Variants in CCSER1 observed in about 807,000 individuals in gnomAD.
CCSER1 encodes serine-rich coiled-coil domain-containing protein 1.
CCSER1 carries 41 observed loss-of-function variants against 82.0 expected under a neutral mutation model. The ratio of observed to expected loss-of-function variants is 0.50; its 90% CI spans 0.39 to 0.65. The LOEUF (loss-of-function observed/expected upper bound fraction) is 0.65, where lower values mean the gene tolerates loss of function less well. Ranked by LOEUF, CCSER1 falls within the 30% of genes least tolerant of loss-of-function variation. The pLI is 0.00. For synonymous variants in CCSER1, 414 were observed against 383.9 expected (o/e 1.08, Z -0.92); for missense variants, 1,119 against 1,064.2 (o/e 1.05, Z -0.72).
intron 10 of CCSER1, among the ~76,000 whole-genome samples, chr4:91,215,888 G>A (rs544157014): frequency 6.6e-6 from 1 of 152,242 alleles, no homozygotes; most frequent in East Asian, 1.9e-4. Flanking sequence ...TGTGTGCCTT[G>A]AGGATCTGCA....
chr4:91,171,574 T>C (rs1490900902), intron 10 of CCSER1, among the ~76,000 whole-genome samples: 1 of 152,158 alleles, frequency 6.6e-6, no homozygotes, highest in African/African-American at 2.4e-5. Context: ...TATCCTGCAA[T>C]TTCCATTTCC....
intron 7 of CCSER1, among the ~76,000 whole-genome samples, chr4:90,797,368 G>A (rs1382366306): frequency 3.3e-5 from 5 of 151,974 alleles, no homozygotes; most frequent in Admixed American, 6.6e-5. Flanking sequence ...TTGAACCTAC[G>A]TCATTGCATG....
intron 10 of CCSER1, among the ~76,000 whole-genome samples, chr4:91,117,808 G>A (rs6856265): frequency 0.52 from 78,954 of 151,922 alleles, 20,830 homozygotes; most frequent in East Asian, 0.68. Context: ...ATGTTTATAT[G>A]TTACTTATAT....
At chr4:90,313,235 A>G (rs1735619101) in intron 3 of CCSER1, among the ~76,000 whole-genome samples, 188 bp downstream of exon 3, 1 of 152,186 alleles carries the variant, frequency 6.6e-6, no homozygotes, top group Non-Finnish European at 1.5e-5. Flanking sequence ...GGAGTTCACC[A>G]TGACAGCTGT....
intron 6 of CCSER1, among the ~76,000 whole-genome samples, chr4:90,708,158 A>G (rs985900031): frequency 6.6e-6 from 1 of 152,144 alleles, no homozygotes; most frequent in African/African-American, 2.4e-5. Context: ...AGACACATTC[A>G]TCTCACAAGC....
Position 91,598,819 on chromosome 4 carries a change from G to A in CCSER1, c.2465G>A (p.Arg822Gln). The A allele has an allele frequency of 1.2e-5, 18 of 1,551,614 alleles. No homozygotes were observed. Among genetic ancestry groups the A allele is most frequent in the Non-Finnish European group, 1.6e-5 (18 of 1,146,920 alleles). ...TLTSDVTQNL[R>Q]ATVGQSSLKP... ...ACTTCAGACGTTACACAGAACTTAC[G>A]GGCCACCGTTGGGCAGAGCTCTCTG... The change falls in exon 11 of 11, where the codon CGG becomes CAG. Residue 822 changes from arginine to glutamine, a missense_variant. Physicochemically the swap from Arg to Gln is conservative, Grantham distance 43. Coordinates refer to ENST00000509176, the MANE Select transcript of CCSER1 (RefSeq NM_001145065.2).
chr4:90,488,368 A>T (rs2153602782), intron 5 of CCSER1, among the ~76,000 whole-genome samples: 1 of 151,974 alleles, frequency 6.6e-6, no homozygotes, highest in Non-Finnish European at 1.5e-5. Context: ...TTGTATTTTT[A>T]GTAGAGATGG....
intron 10 of CCSER1, among the ~76,000 whole-genome samples, chr4:91,360,589 A>T (rs1749181376): frequency 6.6e-6 from 1 of 151,742 alleles, no homozygotes; most frequent in African/African-American, 2.4e-5. Flanking sequence ...TGTGTTTTGG[A>T]TAGGATGCCT....
intron 10 of CCSER1, among the ~76,000 whole-genome samples, chr4:91,505,670 T>A (rs531502310): frequency 2.0e-5 from 3 of 152,342 alleles, no homozygotes; most frequent in Non-Finnish European, 2.9e-5. Context: ...CATTCTCGTT[T>A]TGATTTGCAG....
chr4:90,977,787 G>A (rs17017846), intron 9 of CCSER1, among the ~76,000 whole-genome samples: 2,970 of 151,488 alleles, frequency 0.02, 79 homozygotes, highest in African/African-American at 0.052. Flanking sequence ...CTGGGATATC[G>A]ACTCCATCAT....
chr4:90,800,324 T>C (rs893034904), intron 7 of CCSER1, among the ~76,000 whole-genome samples: 19 of 152,144 alleles, frequency 1.2e-4, no homozygotes, highest in Non-Finnish European at 2.2e-4. Flanking sequence ...GCTGGTCTCA[T>C]ACTCTTGGGC....
intron 10 of CCSER1, among the ~76,000 whole-genome samples, chr4:91,124,766 TCAA>T (rs1727364406): frequency 6.6e-6 from 1 of 151,852 alleles, no homozygotes; most frequent in Non-Finnish European, 1.5e-5. Context: ...AATGAATAAA[TCAA>T]CAAAGATTTT....
At chr4:90,172,981 G>A (rs897577474) in intron 1 of CCSER1, among the ~76,000 whole-genome samples, 1 of 151,730 alleles carries the variant, frequency 6.6e-6, no homozygotes, top group African/African-American at 2.4e-5. Flanking sequence ...TGGTGATTGG[G>A]ATAGTGCTAG....
chr4:90,911,524 C>T (rs1220856745), intron 8 of CCSER1, among the ~76,000 whole-genome samples: 1 of 152,134 alleles, frequency 6.6e-6, no homozygotes, highest in Non-Finnish European at 1.5e-5. Flanking sequence ...CAAATAGGAA[C>T]AGCTTCAGTC....
intron 1 of CCSER1, among the ~76,000 whole-genome samples, chr4:90,234,397 A>T (rs1333295316): frequency 1.3e-5 from 2 of 152,066 alleles, no homozygotes; most frequent in African/African-American, 4.8e-5. Flanking sequence ...TTGTATTTTT[A>T]GTAGAGATGA....
intron 9 of CCSER1, among the ~76,000 whole-genome samples, chr4:91,056,602 A>G (rs1241207272): frequency 6.6e-6 from 1 of 152,168 alleles, no homozygotes; most frequent in Admixed American, 6.6e-5. Flanking sequence ...TTGGGTATTA[A>G]GTTTTCCACA....
intron 5 of CCSER1, among the ~76,000 whole-genome samples, chr4:90,470,782 C>A (rs28374207): frequency 0.33 from 36,595 of 110,464 alleles, 7,041 homozygotes; most frequent in African/African-American, 0.59. Context: ...AAAAAAAAAA[C>A]AAAACACCCA....
chr4:90,497,392 GA>G (rs1769202348), intron 5 of CCSER1, among the ~76,000 whole-genome samples: 1 of 152,138 alleles, frequency 6.6e-6, no homozygotes, highest in Admixed American at 6.5e-5. Flanking sequence ...AAGCAAGCCA[GA>G]ACCATTCATC....
intron 8 of CCSER1, among the ~76,000 whole-genome samples, chr4:90,895,291 T>C (rs1433912260): frequency 6.6e-6 from 1 of 151,796 alleles, no homozygotes; most frequent in Non-Finnish European, 1.5e-5. Flanking sequence ...TTGGAGAAAA[T>C]TAGTTAATAA....
Sources: allele counts gnomAD v4.1 joint callset (sites outside exome capture counted in the v4.1 genomes callset), GRCh38; gene constraint gnomAD v4.1.1; transcripts MANE v1.5; gene names NCBI Gene and HGNC (gene_info 2026-07-23, HGNC 2026-07-21).